Variants in RBFOX1 observed in about 807,000 individuals in gnomAD.
RBFOX1 encodes the protein RNA binding fox-1 homolog 1.
In RBFOX1, 8 loss-of-function variants were observed where a neutral mutation model predicts 57.7. The ratio of observed to expected loss-of-function variants is 0.14; its 90% CI spans 0.08 to 0.25. The LOEUF (loss-of-function observed/expected upper bound fraction) is 0.25, where lower values mean the gene tolerates loss of function less well. Ranked by LOEUF, RBFOX1 falls within the 10% of genes least tolerant of loss-of-function variation. The pLI is 1.00. For missense variants in RBFOX1, 611 were observed against 548.5 expected (o/e 1.11, Z -1.14); for synonymous variants, 326 against 222.4 (o/e 1.47, Z -4.15).
At chr16:5,528,657 C>T (rs1285495930) in intron 2 of RBFOX1, among the ~76,000 whole-genome samples, 1 of 150,940 alleles carries the variant, frequency 6.6e-6, no homozygotes, top group Non-Finnish European at 1.5e-5. Context: ...CCCCCCTCCC[C>T]TCCCCTCCTG....
At chr16:6,661,039 C>T (rs182996075) in intron 3 of RBFOX1, among the ~76,000 whole-genome samples, 17 of 152,292 alleles carry the variant, frequency 1.1e-4, no homozygotes, top group Admixed American at 7.8e-4. Context: ...CTATGTACTG[C>T]AGCGACCTGG....
At chr16:5,709,845 T>TATATATATA (rs1567430549) in intron 3 of RBFOX1, among the ~76,000 whole-genome samples, 5 of 7,378 alleles carry the variant, frequency 6.8e-4, no homozygotes, top group Admixed American at 2.1e-3. Context: ...ATATATATAT[T>TATATATATA]TTTTTTTTTT....
At chr16:5,605,662 G>C (rs2047547230) in intron 3 of RBFOX1, among the ~76,000 whole-genome samples, 1 of 151,838 alleles carries the variant, frequency 6.6e-6, no homozygotes, top group African/African-American at 2.4e-5. Context: ...TCTGCCTTGA[G>C]TCTAGGAGGG....
In RBFOX1 at chr16:7,693,437, T is replaced by A. The variant is rs1316737032; in HGVS notation, c.996-15619T>A. On this transcript the variant is annotated intron_variant, in intron 14 of 15. Coordinates refer to ENST00000550418, the MANE Select transcript of RBFOX1 (RefSeq NM_018723.4). Reference sequence around the variant, plus strand: ...TATCCTTTTTTTTTTTTTTTTTTCTTCTTCACATGCTGCAGTTGGTCACTC... The same window carrying A: ...TATCCTTTTTTTTTTTTTTTTTTCTACTTCACATGCTGCAGTTGGTCACTC... The A allele has an allele frequency of 4.3e-6, 5 of 1,167,752 alleles. No homozygotes were observed. The African/African-American group carries it at 6.2e-5, about 15-fold the overall frequency. 72.3% of individuals were successfully genotyped at this position (1,167,752 alleles called of 1,614,324 possible). A position where few individuals can be genotyped will look rare whatever the true frequency, so the allele number is the denominator to read the frequency against.
chr16:5,843,617 C>T (rs1186725643), intron 3 of RBFOX1, among the ~76,000 whole-genome samples: 3 of 152,172 alleles, frequency 2.0e-5, no homozygotes, highest in African/African-American at 7.2e-5. Context: ...CAGCACTATT[C>T]ACAATAGCAA....
intron 3 of RBFOX1, among the ~76,000 whole-genome samples, chr16:7,019,382 G>T (rs1402969693): frequency 6.6e-6 from 1 of 152,110 alleles, no homozygotes; most frequent in Non-Finnish European, 1.5e-5. Flanking sequence ...TGGACTTCAT[G>T]AAAGTATGTG....
At chr16:6,281,003 G>GTA (rs1329542512) in intron 1 of RBFOX1, among the ~76,000 whole-genome samples, 16 of 148,926 alleles carry the variant, frequency 1.1e-4, no homozygotes, top group South Asian at 2.3e-4. Context: ...GTGTATATAT[G>GTA]TATATATATA....
At chr16:7,346,128 T>A (rs1451672520) in intron 4 of RBFOX1, among the ~76,000 whole-genome samples, 38 of 152,274 alleles carry the variant, frequency 2.5e-4, no homozygotes, top group Non-Finnish European at 1.0e-4. Flanking sequence ...GTTTCTAGCT[T>A]CATCCGTGTC....
At chr16:7,405,075 A>T (rs2148911196) in intron 4 of RBFOX1, among the ~76,000 whole-genome samples, 1 of 152,332 alleles carries the variant, frequency 6.6e-6, no homozygotes, top group East Asian at 1.9e-4. Context: ...TGGGCAGTGC[A>T]TGCTTGCCAG....
chr16:6,312,260 AGAACCAGCATTTCT>A (rs1288733347), intron 1 of RBFOX1, among the ~76,000 whole-genome samples: 2 of 152,196 alleles, frequency 1.3e-5, no homozygotes, highest in African/African-American at 4.8e-5. Context: ...GGTCCCAGGA[AGAACCAGCATTTCT>A]GAACCGCTGT....
chr16:5,832,711 G>A (rs528345377), intron 3 of RBFOX1, among the ~76,000 whole-genome samples: 1 of 152,256 alleles, frequency 6.6e-6, no homozygotes, highest in South Asian at 2.1e-4. Flanking sequence ...TTTCATTGGG[G>A]GCATCATGGA....
intron 3 of RBFOX1, among the ~76,000 whole-genome samples, chr16:6,989,888 C>G (rs1460972285): frequency 6.6e-6 from 1 of 152,038 alleles, no homozygotes; most frequent in Admixed American, 6.6e-5. Flanking sequence ...ATAATCCCAG[C>G]TACTCGGGAG....
chr16:6,745,737 C>T (rs768671408), intron 3 of RBFOX1, among the ~76,000 whole-genome samples: 2 of 152,104 alleles, frequency 1.3e-5, no homozygotes, highest in African/African-American at 4.8e-5. Context: ...GGGAACAAAG[C>T]AAGGATTTAT....
At chr16:6,208,058 G>GTA (rs963667605) in intron 1 of RBFOX1, among the ~76,000 whole-genome samples, 1 of 151,920 alleles carries the variant, frequency 6.6e-6, no homozygotes, top group East Asian at 1.9e-4. Context: ...ATATATGTGT[G>GTA]TATATATATA....
chr16:6,827,988 G>C lies in RBFOX1; in HGVS notation c.-16+173338G>C, dbSNP rs74009313. Among the ~76,000 whole-genome samples the C allele has an allele frequency of 3.6e-3, 551 of 152,318 alleles. 5 individuals carry two copies. Among genetic ancestry groups the C allele is most frequent in the African/African-American group, 0.012 (518 of 41,574 alleles). On this transcript the variant is annotated intron_variant, in intron 3 of 15. Coordinates refer to ENST00000550418, the MANE Select transcript of RBFOX1 (RefSeq NM_018723.4). The stretch of plus-strand genomic sequence containing the variant: ...GCTCTGTAGGGGACAAATCTTGTCT[G>C]CTTTTTGCTCATCAATTTTTCCCCA...
chr16:5,324,240 A>T (rs1342217437), intron 1 of RBFOX1, among the ~76,000 whole-genome samples: 1 of 152,204 alleles, frequency 6.6e-6, no homozygotes, highest in Non-Finnish European at 1.5e-5. Flanking sequence ...AGGCAGGTGG[A>T]TCACTTGAAG....
At position 6,519,530 on chromosome 16, in the gene RBFOX1, G is replaced by A. The variant is rs148510486; in HGVS notation, c.-63-135073G>A. On this transcript the variant is annotated intron_variant, in intron 2 of 15. Coordinates refer to ENST00000550418, the MANE Select transcript of RBFOX1 (RefSeq NM_018723.4). Reference sequence around the variant, plus strand: ...AACCTGGCCAACATGACAAAACCCCGTCTGCACTAAAAATACAAAAATTAG... The same window carrying A: ...AACCTGGCCAACATGACAAAACCCCATCTGCACTAAAAATACAAAAATTAG... 3.9e-5 allele frequency among the ~76,000 whole-genome samples: 6 copies of A among 152,092 alleles called. No individual in the cohort carries two copies. The East Asian group carries it at 5.9e-4, about 15-fold the overall frequency.
At chr16:6,893,559 A>G (rs1474829389) in intron 3 of RBFOX1, among the ~76,000 whole-genome samples, 1 of 152,124 alleles carries the variant, frequency 6.6e-6, no homozygotes, top group Non-Finnish European at 1.5e-5. Flanking sequence ...CAAGTCCATG[A>G]GCCCCAAAGT....
intron 2 of RBFOX1, among the ~76,000 whole-genome samples, chr16:6,397,312 T>A (rs977234885): frequency 3.3e-5 from 5 of 152,144 alleles, no homozygotes; most frequent in South Asian, 2.1e-4. Context: ...AAGAGGCATT[T>A]CCTACATGGG....
Sources: allele counts gnomAD v4.1 joint callset (sites outside exome capture counted in the v4.1 genomes callset), GRCh38; gene constraint gnomAD v4.1.1; transcripts MANE v1.5; gene names NCBI Gene and HGNC (gene_info 2026-07-23, HGNC 2026-07-21).